DNAH6: variants seen among roughly 807,000 people sequenced by gnomAD.
The protein encoded by DNAH6 is axonemal beta dynein heavy chain 6.
A neutral mutation model predicts 491.4 loss-of-function variants in DNAH6; 340 were observed. That is an observed-to-expected ratio of 0.69 (90% CI 0.63 to 0.76). The LOEUF (loss-of-function observed/expected upper bound fraction) is 0.76. Ranked by LOEUF, DNAH6 falls within the 30% of genes least tolerant of loss-of-function variation. DNAH6 has a pLI of 0.00. For missense variants in DNAH6, 4,443 were observed against 4,972.2 expected, an observed-to-expected ratio of 0.89 and a Z score of 3.20; for synonymous variants, 1,603 against 1,686.1, an observed-to-expected ratio of 0.95 and a Z score of 1.21.
chr2:84,637,284 T>C lies in DNAH6; in HGVS notation c.4728T>C (p.Pro1576=). The C allele has an allele frequency of 1.3e-6, 2 of 1,551,380 alleles. No homozygotes were observed. The highest frequency in any genetic ancestry group is 2.7e-5 in the African/African-American group (2 of 73,170). ...GTGCAGCCTTCATCACAATGAATCC[T>C]GGCTATGCAGGGAGAACTGAATTGC... ...MTCAAFITMN[P]GYAGRTELPD... Residue 1576 remains proline, a synonymous_variant, in exon 31 of 77, where the codon CCT becomes CCC. Transcript: ENST00000389394.
the DNAH6 span, among the ~76,000 whole-genome samples, chr2:84,496,897 TC>T: frequency 6.6e-6 from 1 of 152,028 alleles, no homozygotes; most frequent in Admixed American, 6.6e-5. Context: ...TAATAACTGA[TC>T]TATTCCCTAT....
At chr2:84,626,721 C>T (rs547148009) in intron 29 of DNAH6, among the ~76,000 whole-genome samples, 1 of 152,294 alleles carries the variant, frequency 6.6e-6, no homozygotes, top group African/African-American at 2.4e-5. Context: ...TCTGCCTCAG[C>T]CTCCTGAATA....
chr2:84,517,423 GTACTAGAATTAGC>G (rs1675705775), intron 1 of DNAH6, among the ~76,000 whole-genome samples: 1 of 152,070 alleles, frequency 6.6e-6, no homozygotes. Context: ...CAGACTGCGT[GTACTAGAATTAGC>G]TGCATTTTGA....
intron 33 of DNAH6, among the ~76,000 whole-genome samples, chr2:84,649,038 G>C (rs1690161786): frequency 6.6e-6 from 1 of 152,172 alleles, no homozygotes; most frequent in Admixed American, 6.5e-5. Context: ...CAACATTGAG[G>C]TAAGACCCTC....
At chr2:84,783,177 C>T (rs970602342) in intron 65 of DNAH6, among the ~76,000 whole-genome samples, 14 of 152,096 alleles carry the variant, frequency 9.2e-5, no homozygotes, top group Non-Finnish European at 2.1e-4. Flanking sequence ...ACTTGAAATC[C>T]TAACACCTCC....
Position 84,681,475 on chromosome 2 carries a change from C to A in DNAH6, c.6863C>A (p.Pro2288His), listed in dbSNP as rs764606351. 5.8e-6 allele frequency: 9 copies of A among 1,551,124 alleles called. No homozygotes were observed. Among genetic ancestry groups the A allele is most frequent in the Non-Finnish European group, 7.8e-6 (9 of 1,146,744 alleles). Residue 2288 changes from proline (P) to histidine (H), a missense_variant, in exon 42 of 77, where the codon CCC becomes CAC. This residue lies in a region of DNAH6 where 2,977 missense variants were observed against 3,296.6 expected (regional missense o/e 0.90). Coordinates refer to ENST00000389394, the MANE Select transcript of DNAH6 (RefSeq NM_001370.2). ...ATGAGTGTTGACCTCCTGCCAACAC[C>A]CGCCAAGTCCCATTATGTCTTTAAC... ...NKMSVDLLPT[P>H]AKSHYVFNLR...
intron 62 of DNAH6, among the ~76,000 whole-genome samples, chr2:84,734,017 TCC>T (rs1034349706): frequency 6.6e-6 from 1 of 152,102 alleles, no homozygotes; most frequent in African/African-American, 2.4e-5. Context: ...AGTACCAGCA[TCC>T]CAGAATCCCC....
At chr2:84,511,595 G>A (rs1169267255), upstream of DNAH6, among the ~76,000 whole-genome samples, 1 of 152,138 alleles carries the variant, frequency 6.6e-6, no homozygotes, top group Non-Finnish European at 1.5e-5. Flanking sequence ...CCCACTTTCT[G>A]ACACTCCCCA....
chr2:84,662,858 G>A (rs1407827670), intron 37 of DNAH6, among the ~76,000 whole-genome samples: 2 of 152,164 alleles, frequency 1.3e-5, no homozygotes, highest in African/African-American at 4.8e-5. Context: ...TCTCCCAGTA[G>A]GGGCCGACTG....
intron 75 of DNAH6, among the ~76,000 whole-genome samples, chr2:84,815,587 G>A (rs539954223): frequency 1.1e-4 from 16 of 152,118 alleles, no homozygotes; most frequent in Non-Finnish European, 2.2e-4. Context: ...TTCTAGGAGG[G>A]CATCCAAATC....
In DNAH6 at chr2:84,710,149, G is replaced by T. The variant is rs1478975017; in HGVS notation, c.9253-138G>T. The T allele has an allele frequency of 3.6e-6, 4 of 1,100,640 alleles. No individual in the cohort carries two copies. The Admixed American group carries it at 1.2e-4, about 33-fold the overall frequency. 68.2% of individuals were successfully genotyped at this position (1,100,640 alleles called of 1,614,324 possible). The stretch of plus-strand genomic sequence containing the variant: ...TTAAAAGATGTCTTTATTGTCGGGG[G>T]ACAGGGGAGTACAGTTTATATATTT... On this transcript the variant is annotated intron_variant, in intron 55 of 76. Transcript: ENST00000389394.
chr2:84,548,086 A>G (rs1678958601), intron 7 of DNAH6, among the ~76,000 whole-genome samples: 2 of 152,240 alleles, frequency 1.3e-5, no homozygotes, highest in Non-Finnish European at 2.9e-5. Context: ...AATGTCAGTA[A>G]ACTATCTATA....
chr2:84,776,258 A>G (rs912991988), intron 64 of DNAH6, among the ~76,000 whole-genome samples: 10 of 152,352 alleles, frequency 6.6e-5, no homozygotes, highest in African/African-American at 2.2e-4. Context: ...CTAAACATCC[A>G]TCTGGCTCAA....
chr2:84,797,125 T>G (rs1040955912), intron 69 of DNAH6, among the ~76,000 whole-genome samples: 1 of 152,166 alleles, frequency 6.6e-6, no homozygotes, highest in Non-Finnish European at 1.5e-5. Context: ...CAATGTAGCT[T>G]TTAGTTTGGG....
At chr2:84,813,640 C>G (rs1680211607) in intron 74 of DNAH6, among the ~76,000 whole-genome samples, 2 of 152,200 alleles carry the variant, frequency 1.3e-5, no homozygotes, top group Non-Finnish European at 2.9e-5. Flanking sequence ...ATAAAACAAG[C>G]TGGGCAAAAT....
intron 35 of DNAH6, among the ~76,000 whole-genome samples, chr2:84,655,093 AGCCTGAG>A (rs1558861445): frequency 6.6e-6 from 1 of 152,098 alleles, no homozygotes; most frequent in Admixed American, 6.6e-5. Context: ...CAGCTACAAC[AGCCTGAG>A]GCATTGAGAC....
chr2:84,801,237 A>C (rs1004444344), intron 70 of DNAH6, among the ~76,000 whole-genome samples: 15 of 151,612 alleles, frequency 9.9e-5, no homozygotes, highest in African/African-American at 3.4e-4. Context: ...CCTAAAACTT[A>C]AAGTATAATT....
intron 20 of DNAH6, 87 bp downstream of exon 20, chr2:84,605,679 A>C: frequency 1.2e-6 from 1 of 844,820 alleles, no homozygotes; most frequent in East Asian, 2.8e-5. Context: ...TGATGAGGGA[A>C]TAAAACATGA....
At chr2:84,615,654 C>T (rs1269445207) in intron 22 of DNAH6, among the ~76,000 whole-genome samples, 1 of 152,066 alleles carries the variant, frequency 6.6e-6, no homozygotes, top group Non-Finnish European at 1.5e-5. Context: ...AATATTGATT[C>T]TACCCATTCA....
Sources: gnomAD v4.1 joint callset for allele counts (sites outside exome capture counted in the v4.1 genomes callset) on GRCh38, gnomAD v4.1.1 for gene constraint, gnomAD v4.1.1 regional missense constraint, MANE v1.5 for transcripts, NCBI Gene and HGNC (gene_info 2026-07-23, HGNC 2026-07-21) for gene names.